The following PTPRC variants were observed in gnomAD, a reference collection of about 807,000 sequenced individuals.
The protein encoded by PTPRC is receptor-type tyrosine-protein phosphatase C.
A neutral mutation model predicts 155.9 loss-of-function variants in PTPRC; 44 were observed. That is an observed-to-expected ratio of 0.28 (90% confidence interval 0.22 to 0.36). The LOEUF (loss-of-function observed/expected upper bound fraction) is 0.36, where lower values mean the gene tolerates loss of function less well. Ranked by LOEUF, PTPRC falls within the 10% of genes least tolerant of loss-of-function variation. The probability of loss-of-function intolerance (pLI) is 1.00; values close to 1 mark genes in which losing one functional copy is unlikely to be tolerated. For synonymous variants in PTPRC, 525 were observed against 533.1 expected (o/e 0.98, Z 0.21); for missense variants, 1,401 against 1,564.6 (o/e 0.90, Z 1.76).
chr1:198,720,627 C>A (rs959140494), intron 14 of PTPRC, among the ~76,000 whole-genome samples: 3 of 152,072 alleles, frequency 2.0e-5, no homozygotes, highest in African/African-American at 7.2e-5. Context: ...CTGTGCCAGG[C>A]CTATATTATA....
intron 23 of PTPRC, among the ~76,000 whole-genome samples, chr1:198,739,860 A>G (rs1454827613): frequency 6.6e-6 from 1 of 151,852 alleles, no homozygotes; most frequent in Admixed American, 6.6e-5. Context: ...ATTAAAAAAA[A>G]ATTATATAAA....
At chr1:198,730,022 A>G (rs890214148) in intron 17 of PTPRC, among the ~76,000 whole-genome samples, 1 of 152,114 alleles carries the variant, frequency 6.6e-6, no homozygotes, top group Non-Finnish European at 1.5e-5. Flanking sequence ...AAGAACAGCA[A>G]TTTGACTTGG....
intron 2 of PTPRC, among the ~76,000 whole-genome samples, chr1:198,641,581 A>G (rs1662584913): frequency 6.6e-6 from 1 of 152,020 alleles, no homozygotes; most frequent in African/African-American, 2.4e-5. Context: ...AGTTTTACTC[A>G]AGACTTCCTA....
chr1:198,718,135 G>T lies in PTPRC; in HGVS notation c.1492G>T (p.Asp498Tyr). The change falls in exon 14 of 33, where the codon GAT (aspartate) becomes TAT (tyrosine). Residue 498 changes from aspartate to tyrosine, a missense_variant. Physicochemically the swap from Asp to Tyr is radical, Grantham distance 160 (BLOSUM62 -3). This residue lies in a region of PTPRC where 867 missense variants were observed against 970.4 expected (regional missense o/e 0.89). Coordinates refer to ENST00000442510, the MANE Select transcript of PTPRC (RefSeq NM_002838.5). ...VWNMTVSMTSDNSMHVKCRPP... is the reference protein window; with the variant it reads ...VWNMTVSMTSYNSMHVKCRPP... ...GAACATGACTGTCTCCATGACATCA[G>T]ATAATAGTATGCATGTCAAGTGTAG... is the stretch of plus-strand genomic sequence containing the variant. 6.2e-7 allele frequency: 1 copy of T among 1,613,810 alleles called. No individual in the cohort carries two copies. Among genetic ancestry groups the T allele is most frequent in the Non-Finnish European group, 8.5e-7 (1 of 1,179,736 alleles).
At chr1:198,642,914 TTC>T (rs1662691878) in intron 2 of PTPRC, among the ~76,000 whole-genome samples, 2 of 138,718 alleles carry the variant, frequency 1.4e-5, no homozygotes, top group Non-Finnish European at 3.1e-5. Flanking sequence ...CTTCCTTTCT[TTC>T]TTTCTTTCTT....
At chr1:198,727,403 T>G (rs1650577132) in intron 15 of PTPRC, among the ~76,000 whole-genome samples, 4 of 152,074 alleles carry the variant, frequency 2.6e-5, no homozygotes. Flanking sequence ...TTTCTTTATG[T>G]AGATATCCTA....
intron 8 of PTPRC, among the ~76,000 whole-genome samples, chr1:198,705,819 A>C (rs1652928213): frequency 6.6e-6 from 1 of 151,994 alleles, no homozygotes; most frequent in Admixed American, 6.6e-5. Context: ...TCATCCCCCA[A>C]ACCCCATGTC....
chr1:198,744,750 T>C (rs1032817812), intron 26 of PTPRC, among the ~76,000 whole-genome samples: 4 of 151,884 alleles, frequency 2.6e-5, no homozygotes, highest in Non-Finnish European at 5.9e-5. Flanking sequence ...AATTGCTCAG[T>C]TGTCAAAAAA....
chr1:198,639,534 T>C (rs1007446801), intron 2 of PTPRC, among the ~76,000 whole-genome samples, 193 bp downstream of exon 2: 2 of 152,042 alleles, frequency 1.3e-5, no homozygotes, highest in South Asian at 2.1e-4. Context: ...TACAAAGACA[T>C]AAATGTTTCG....
intron 25 of PTPRC, 93 bp from the exon 26 acceptor site, chr1:198,743,961 G>A: frequency 7.9e-7 from 1 of 1,272,682 alleles, no homozygotes; most frequent in African/African-American, 1.5e-5. Context: ...TCCAATATGA[G>A]CAAATTTATG....
At chr1:198,743,456 C>T (rs895564882) in intron 25 of PTPRC, among the ~76,000 whole-genome samples, 3 of 151,746 alleles carry the variant, frequency 2.0e-5, no homozygotes, top group Non-Finnish European at 4.4e-5. Context: ...GTGCCAAACT[C>T]AGGGAACTAA....
In PTPRC at chr1:198,749,471, G is replaced by T; in HGVS notation, c.2994G>T (p.Glu998Asp). ...KHELEMSKES[E>D]HDSDESSDDD... is the part of the protein sequence containing the mutation. Reference sequence around the variant, plus strand: ...AGCTGGAAATGAGTAAAGAGAGTGAGCATGATTCAGATGAATCCTCTGATG... The same window carrying T: ...AGCTGGAAATGAGTAAAGAGAGTGATCATGATTCAGATGAATCCTCTGATG... The change falls in exon 28 of 33, where the codon GAG (glutamate) becomes GAT (aspartate). Residue 998 changes from glutamate to aspartate, a missense_variant. This residue lies in a region of PTPRC where 400 missense variants were observed against 389.5 expected (regional missense o/e 1.03). Coordinates refer to ENST00000442510, the MANE Select transcript of PTPRC (RefSeq NM_002838.5). The T allele has an allele frequency of 6.2e-7, 1 of 1,609,736 alleles. No individual in the cohort carries two copies. Among genetic ancestry groups the T allele is most frequent in the Non-Finnish European group, 8.5e-7 (1 of 1,177,086 alleles).
chr1:198,691,222 T>C (rs143603816), intron 2 of PTPRC, among the ~76,000 whole-genome samples: 85 of 152,182 alleles, frequency 5.6e-4, no homozygotes, highest in African/African-American at 1.9e-3. Flanking sequence ...CCCAGATGTA[T>C]GTCATGAGCT....
At chr1:198,647,260 T>C (rs1035804849) in intron 2 of PTPRC, among the ~76,000 whole-genome samples, 1 of 151,872 alleles carries the variant, frequency 6.6e-6, no homozygotes, top group Non-Finnish European at 1.5e-5. Context: ...TCTCTTGGAG[T>C]TCTCTTTACC....
At chr1:198,666,142 A>G (rs1041775683) in intron 2 of PTPRC, among the ~76,000 whole-genome samples, 23 of 151,876 alleles carry the variant, frequency 1.5e-4, no homozygotes, top group Admixed American at 3.9e-4. Context: ...CTGAGGTGAA[A>G]AGATTGTTTG....
intron 27 of PTPRC, 74 bp from the exon 28 acceptor site, chr1:198,749,342 C>A: frequency 2.1e-6 from 3 of 1,442,200 alleles, no homozygotes; most frequent in South Asian, 2.3e-5. Context: ...TAAATACTTT[C>A]AAATTTCCAC....
intron 23 of PTPRC, among the ~76,000 whole-genome samples, chr1:198,736,808 A>G (rs1245022903): frequency 6.6e-6 from 1 of 151,668 alleles, no homozygotes; most frequent in East Asian, 1.9e-4. Context: ...TCTCACCAAC[A>G]TTGTCTGAGG....
intron 2 of PTPRC, among the ~76,000 whole-genome samples, chr1:198,683,487 T>C (rs1414064567): frequency 6.6e-6 from 1 of 152,098 alleles, no homozygotes; most frequent in Non-Finnish European, 1.5e-5. Context: ...AAAACAGACA[T>C]TTTCATAAGA....
Position 198,702,483 on chromosome 1 carries a change from C to G in PTPRC, c.536C>G (p.Ala179Gly). The G allele has an allele frequency of 6.2e-7, 1 of 1,614,186 alleles. No homozygotes were observed. Among genetic ancestry groups the G allele is most frequent in the Non-Finnish European group, 8.5e-7 (1 of 1,180,048 alleles). Reference sequence around the variant, plus strand: ...AGCCTTGCACACCACAGCTCTGCTGCCTTACCTGCACGCACCTCCAACACC... The same window carrying G: ...AGCCTTGCACACCACAGCTCTGCTGGCTTACCTGCACGCACCTCCAACACC... Reference protein sequence around the residue: ...TLSLAHHSSAALPARTSNTTI... With the variant: ...TLSLAHHSSAGLPARTSNTTI... The change falls in exon 6 of 33, where the codon GCC (alanine) becomes GGC (glycine). Residue 179 changes from alanine (A) to glycine (G), a missense_variant. By Grantham distance (60) the Ala-to-Gly change is moderately conservative. Transcript: ENST00000442510.
Sources: gnomAD v4.1 joint callset for allele counts (sites outside exome capture counted in the v4.1 genomes callset) on GRCh38, gnomAD v4.1.1 for gene constraint, gnomAD v4.1.1 regional missense constraint, MANE v1.5 for transcripts, NCBI Gene and HGNC (gene_info 2026-07-23, HGNC 2026-07-21) for gene names.